Variants in HIVEP3 observed in about 807,000 individuals in gnomAD.
The protein encoded by HIVEP3 is transcription factor HIVEP3.
In HIVEP3, 49 loss-of-function variants were observed where a neutral mutation model predicts 152.8. The ratio of observed to expected loss-of-function variants is 0.32; its 90% CI spans 0.26 to 0.41. The LOEUF is 0.41. Among genes scored for constraint, HIVEP3 ranks in the 10% least tolerant of loss-of-function variants. The pLI, the probability that HIVEP3 is intolerant of heterozygous loss-of-function variation, is 1.00. For missense variants in HIVEP3, 2,790 were observed against 3,103.3 expected, an observed-to-expected ratio of 0.90 and a Z score of 2.40; for synonymous variants, 1,269 against 1,289.0, an observed-to-expected ratio of 0.98 and a Z score of 0.33.
intron 3 of HIVEP3, among the ~76,000 whole-genome samples, chr1:41,596,194 C>T (rs1644663432): frequency 6.6e-6 from 1 of 152,186 alleles, no homozygotes; most frequent in Non-Finnish European, 1.5e-5. Context: ...TTATGTCAAG[C>T]AGATCTTCTA....
chr1:41,847,128 T>C (rs927832050), intron 1 of HIVEP3: 2 of 152,250 alleles, frequency 1.3e-5, no homozygotes, highest in African/African-American at 2.4e-5. Flanking sequence ...TTTGTAACTT[T>C]TGCAAATTTT....
intron 1 of HIVEP3, among the ~76,000 whole-genome samples, chr1:41,837,446 C>T (rs1417320167): frequency 2.0e-5 from 3 of 152,190 alleles, no homozygotes; most frequent in Non-Finnish European, 2.9e-5. Context: ...CCTGCCTCAG[C>T]CTCCCGAGTA....
chr1:41,605,148 A>G (rs1266407595), intron 3 of HIVEP3, among the ~76,000 whole-genome samples: 1 of 103,330 alleles, frequency 9.7e-6, no homozygotes, highest in African/African-American at 3.8e-5. Flanking sequence ...AAGGGAAGGG[A>G]AGCGGAGGGG....
chr1:41,653,215 C>CGT (rs139355025), intron 2 of HIVEP3, among the ~76,000 whole-genome samples: 35 of 149,986 alleles, frequency 2.3e-4, no homozygotes, highest in South Asian at 8.4e-4. Context: ...AATGTGTGTG[C>CGT]GTGTGTGTGT....
At chr1:41,625,127 C>T in intron 3 of HIVEP3, among the ~76,000 whole-genome samples, 1 of 120,256 alleles carries the variant, frequency 8.3e-6, no homozygotes. Flanking sequence ...CATGCCATTG[C>T]ACTCCAGCCT....
Position 42,003,603 on chromosome 1 carries a change from A to T in HIVEP3, n.119+32204T>A, listed in dbSNP as rs193183055. Among the ~76,000 whole-genome samples the T allele has an allele frequency of 1.0e-3, 158 of 152,286 alleles. 2 individuals carry two copies. The highest frequency in any genetic ancestry group is 3.7e-3 in the African/African-American group (152 of 41,574). On this transcript the variant is annotated intron_variant and non_coding_transcript_variant, in intron 1 of 3. Transcript: ENST00000489103. ...TCCCCCAGGCACTCCTTCCTGGCACAGATCCTGAAATCATGCCCCTCCCAT... is the reference window on the plus strand; with the variant it reads ...TCCCCCAGGCACTCCTTCCTGGCACTGATCCTGAAATCATGCCCCTCCCAT...
intron 2 of HIVEP3, among the ~76,000 whole-genome samples, chr1:41,675,999 C>T (rs1311543978): frequency 6.6e-6 from 1 of 152,112 alleles, no homozygotes; most frequent in Non-Finnish European, 1.5e-5. Context: ...ACATCTAATG[C>T]CACATCACCC....
At chr1:41,683,678 T>C (rs544945761) in intron 2 of HIVEP3, among the ~76,000 whole-genome samples, 5 of 152,338 alleles carry the variant, frequency 3.3e-5, no homozygotes, top group Non-Finnish European at 5.9e-5. Context: ...AGATTTTACC[T>C]ACACTGAAAA....
At chr1:41,978,985 T>C (rs1287436027) in intron 1 of HIVEP3, among the ~76,000 whole-genome samples, 1 of 152,116 alleles carries the variant, frequency 6.6e-6, no homozygotes, top group Non-Finnish European at 1.5e-5. Context: ...GCAGGCAATG[T>C]CAAGAAGGCA....
Position 41,584,693 on chromosome 1 carries a change from G to T in HIVEP3, c.105C>A (p.Val35=), listed in dbSNP as rs75202591. 4.3e-3 allele frequency: 6,792 copies of T among 1,572,144 alleles called. 251 individuals carry two copies. The African/African-American group carries it at 0.083, about 19-fold the overall frequency. The change falls in exon 4 of 9, where the codon GTC becomes GTA. Residue 35 remains valine, a synonymous_variant. Transcript: ENST00000372583. The surrounding 1 kb of genome is among the most constrained non-coding windows in gnomAD (Gnocchi z 5.2). ...EAIQTSVSSS[V]PYPGSGTAAT... is the part of the protein sequence containing the mutation. ...CAGCTGTGCCGCTGCCTGGGTATGG[G>T]ACGCTGGAAGAAACACTGGTCTGAA...
At chr1:41,818,435 C>T (rs918808285) in intron 1 of HIVEP3, among the ~76,000 whole-genome samples, 6 of 152,192 alleles carry the variant, frequency 3.9e-5, no homozygotes, top group Non-Finnish European at 7.3e-5. Flanking sequence ...AGAAAGCTCA[C>T]TCCCAGATGT....
intron 2 of HIVEP3, among the ~76,000 whole-genome samples, chr1:41,680,621 C>T (rs890874968): frequency 6.6e-6 from 1 of 152,230 alleles, no homozygotes; most frequent in African/African-American, 2.4e-5. Context: ...CTGTGCTCTG[C>T]TCTGTGATTC....
At chr1:41,558,167 C>T (rs1643998431) in intron 5 of HIVEP3, among the ~76,000 whole-genome samples, 1 of 152,224 alleles carries the variant, frequency 6.6e-6, no homozygotes. Context: ...CACCTCCTCC[C>T]TGTGAGTCCT....
intron 5 of HIVEP3, among the ~76,000 whole-genome samples, chr1:41,567,680 CT>C (rs1375076545): frequency 6.6e-6 from 1 of 152,244 alleles, no homozygotes; most frequent in African/African-American, 2.4e-5. Flanking sequence ...ACAAAGGGCT[CT>C]GCTCAGAGAA....
chr1:41,595,592 G>C (rs1644654085), intron 3 of HIVEP3, among the ~76,000 whole-genome samples: 1 of 152,196 alleles, frequency 6.6e-6, no homozygotes, highest in Non-Finnish European at 1.5e-5. Flanking sequence ...GGAGGCTTGT[G>C]ATGATTAATA....
chr1:41,924,697 AC>A (rs1404803792), intron 1 of HIVEP3, among the ~76,000 whole-genome samples: 1 of 152,154 alleles, frequency 6.6e-6, no homozygotes, highest in Non-Finnish European at 1.5e-5. Context: ...AGTGCTTAGA[AC>A]AATGCCTGGG....
chr1:41,551,671 T>A (rs549498351), intron 5 of HIVEP3, among the ~76,000 whole-genome samples: 34 of 152,330 alleles, frequency 2.2e-4, no homozygotes, highest in African/African-American at 7.0e-4. Context: ...TGCATAGAGA[T>A]GTTTATAGTA....
chr1:41,688,176 C>T (rs747633814), intron 2 of HIVEP3, among the ~76,000 whole-genome samples: 4 of 152,196 alleles, frequency 2.6e-5, no homozygotes, highest in African/African-American at 9.7e-5. Flanking sequence ...ATAGCCAAGC[C>T]GATCTTCTTC....
At chr1:42,000,538 G>A in intron 1 of HIVEP3, among the ~76,000 whole-genome samples, 1 of 152,208 alleles carries the variant, frequency 6.6e-6, no homozygotes, top group East Asian at 1.9e-4. Context: ...AGTATGCTCA[G>A]TACATGACAG....
Sources: allele counts gnomAD v4.1 joint callset (sites outside exome capture counted in the v4.1 genomes callset), GRCh38; gene constraint gnomAD v4.1.1; non-coding constraint Gnocchi (gnomAD v3.1); transcripts MANE v1.5; gene names NCBI Gene and HGNC (gene_info 2026-07-23, HGNC 2026-07-21).